GAN: variants seen among roughly 807,000 people sequenced by gnomAD.
GAN encodes gigaxonin, also known as epididymis secretory sperm binding protein.
GAN carries 48 observed loss-of-function variants against 71.3 expected under a neutral mutation model. The ratio of observed to expected loss-of-function variants is 0.67; its 90% CI spans 0.53 to 0.86. The LOEUF (loss-of-function observed/expected upper bound fraction) is 0.86, where lower values mean the gene tolerates loss of function less well. GAN is among the 40% of genes least tolerant of loss of function. GAN has a pLI of 0.00. For missense variants in GAN, 928 were observed against 770.1 expected (o/e 1.21, Z -2.43); for synonymous variants, 386 against 276.8 (o/e 1.39, Z -3.92).
Position 81,377,515 on chromosome 16 carries a change from A to T in GAN, c.1713A>T (p.Ala571=), listed in dbSNP as rs777757572. 15 of 1,614,154 alleles carry T rather than the reference A, an allele frequency of 9.3e-6. No homozygotes were observed. The African/African-American group carries it at 2.0e-4, about 22-fold the overall frequency. The change falls in exon 11 of 11, where the codon GCA becomes GCT. Residue 571 remains alanine, a synonymous_variant. Coordinates refer to ENST00000648994, the MANE Select transcript of GAN (RefSeq NM_022041.4). ...LPSDLRRTGC[A]ALRIANCKLF... is the part of the protein sequence containing the mutation. ...CCGACCTTCGCCGTACAGGATGTGC[A>T]GCCTTACGCATTGCGAATTGCAAGC... is the stretch of plus-strand genomic sequence containing the variant.
At chr16:81,364,834 T>C (rs1567496045) in intron 7 of GAN, 140 bp from the exon 8 acceptor site, 2 of 837,440 alleles carry the variant, frequency 2.4e-6, no homozygotes, top group Non-Finnish European at 4.1e-6. Flanking sequence ...GTTGTAATAC[T>C]GAAAAGCACC....
In GAN at chr16:81,383,846, A is replaced by C. The variant is rs1904328726; in HGVS notation, c.*6250A>C. 1 of 152,144 alleles carries C rather than the reference A, an allele frequency of 6.6e-6. No individual in the cohort carries two copies. Among genetic ancestry groups the C allele is most frequent in the Admixed American group, 6.6e-5 (1 of 15,266 alleles). The allele number at this position is 152,144 out of a possible 1,614,324, so 9.4% of individuals were successfully genotyped here. A position where few individuals can be genotyped will look rare whatever the true frequency, so the allele number is the denominator to read the frequency against. Reference sequence around the variant, plus strand: ...ATCCACGTAAATGAACGGCCATTTCAAATCATTCACATCCCAAACGGAGGT... The same window carrying C: ...ATCCACGTAAATGAACGGCCATTTCCAATCATTCACATCCCAAACGGAGGT... On this transcript the variant is annotated 3_prime_UTR_variant, in exon 11 of 11. Transcript: ENST00000648994.
At chr16:81,330,644 G>C (rs753903826) in intron 1 of GAN, among the ~76,000 whole-genome samples, 2 of 152,216 alleles carry the variant, frequency 1.3e-5, no homozygotes, top group African/African-American at 4.8e-5. Flanking sequence ...AAGTACCACA[G>C]TTATTGTTGC....
chr16:81,364,013 C>G (rs1303872843), intron 7 of GAN, 70 bp downstream of exon 7: 6 of 1,091,102 alleles, frequency 5.5e-6, no homozygotes, highest in African/African-American at 1.5e-5. Context: ...GTCTTCATAT[C>G]CTGAATAAAC....
rs1008404882 is a variant in GAN, at chr16:81,383,847, A to C, written c.*6251A>C. 8 of 152,158 alleles carry C rather than the reference A, an allele frequency of 5.3e-5. No homozygotes were observed. Among genetic ancestry groups the C allele is most frequent in the African/African-American group, 1.2e-4 (5 of 41,426 alleles). 9.4% of individuals were successfully genotyped at this position (152,158 alleles called of 1,614,324 possible). ...TCCACGTAAATGAACGGCCATTTCA[A>C]ATCATTCACATCCCAAACGGAGGTT... On this transcript the variant is annotated 3_prime_UTR_variant, in exon 11 of 11. Coordinates refer to ENST00000648994, the MANE Select transcript of GAN (RefSeq NM_022041.4).
Position 81,354,367 on chromosome 16 carries a change from A to G in GAN, c.283-38A>G, listed in dbSNP as rs769725195. 5 of 1,293,262 alleles carry G rather than the reference A, an allele frequency of 3.9e-6. No homozygotes were observed. The East Asian group carries it at 1.1e-4, about 30-fold the overall frequency. The allele number at this position is 1,293,262 out of a possible 1,614,324, so 80.1% of individuals were successfully genotyped here. A position where few individuals can be genotyped will look rare whatever the true frequency, so the allele number is the denominator to read the frequency against. ...GGTTAGTGGTTTGGGTTTTAAATGT[A>G]CACATTCAAATATAAGATAATTATG... On this transcript the variant is annotated intron_variant, in intron 2 of 10. Coordinates refer to ENST00000648994, the MANE Select transcript of GAN (RefSeq NM_022041.4).
intron 1 of GAN, among the ~76,000 whole-genome samples, chr16:81,335,368 C>T (rs1909720130): frequency 6.6e-6 from 1 of 152,132 alleles, no homozygotes; most frequent in South Asian, 2.1e-4. Flanking sequence ...GTAATCCCAG[C>T]ACTTTTTGGA....
At chr16:81,344,973 A>G (rs574445325) in intron 1 of GAN, among the ~76,000 whole-genome samples, 1 of 152,366 alleles carries the variant, frequency 6.6e-6, no homozygotes, top group East Asian at 1.9e-4. Flanking sequence ...AAAAGAAGAC[A>G]TTTATGCAAC....
Position 81,354,473 on chromosome 16 carries a change from TA to T in GAN, c.355del (p.Thr119ProfsTer53). ...CTGACCTGCTGCTACTGACGGACCT[TA>T]AAACCCTGTGCTGTGAGTTTTTGGA... The part of the protein sequence containing the change: ...AADLLLLTDL[K>X]TLCCEFLEGC... On this transcript the variant is annotated frameshift_variant, in exon 3 of 11. Coordinates refer to ENST00000648994, the MANE Select transcript of GAN (RefSeq NM_022041.4). LOFTEE classifies it high-confidence loss of function. 6.2e-7 allele frequency: 1 copy of T among 1,614,120 alleles called. No individual in the cohort carries two copies. The highest frequency in any genetic ancestry group is 8.5e-7 in the Non-Finnish European group (1 of 1,179,918).
intron 1 of GAN, among the ~76,000 whole-genome samples, chr16:81,316,100 G>A (rs1417545410): frequency 6.6e-6 from 1 of 152,172 alleles, no homozygotes; most frequent in Non-Finnish European, 1.5e-5. Context: ...TAATTAAAAG[G>A]TTGATAAGAC....
At chr16:81,318,843 C>T (rs1006083206) in intron 1 of GAN, among the ~76,000 whole-genome samples, 24 of 152,188 alleles carry the variant, frequency 1.6e-4, no homozygotes, top group African/African-American at 4.6e-4. Flanking sequence ...AGAGAGAGCA[C>T]GTGTCATGCA....
chr16:81,335,151 TG>T (rs951794038), intron 1 of GAN, among the ~76,000 whole-genome samples: 1 of 56,178 alleles, frequency 1.8e-5, no homozygotes, highest in Non-Finnish European at 3.4e-5. Context: ...GACTATGGGG[TG>T]GGGGGAGGGG....
rs1048278892 is a variant in GAN at position 81,363,984 on chromosome 16, T to G, written c.1236+41T>G. On this transcript the variant is annotated intron_variant, in intron 7 of 10. Coordinates refer to ENST00000648994, the MANE Select transcript of GAN (RefSeq NM_022041.4). ...TGTGATAACTAGTCTGTGTACACAT[T>G]GGATTTTAAACTTAATGTGTCTTCA... 1.1e-5 allele frequency: 16 copies of G among 1,503,104 alleles called. No individual in the cohort carries two copies. In the African/African-American group the frequency reaches 1.9e-4, roughly 18 times the overall value. 93.1% of individuals were successfully genotyped at this position (1,503,104 alleles called of 1,614,324 possible).
Position 81,325,637 on chromosome 16 carries a change from C to T in GAN, c.167+10357C>T, listed in dbSNP as rs551477065. On this transcript the variant is annotated intron_variant, in intron 1 of 10. Coordinates refer to ENST00000648994, the MANE Select transcript of GAN (RefSeq NM_022041.4). ...GAGCTACTAGACCAATTGAGAGCAG[C>T]GCACTGGGACAGTGTCCTAGGCATC... is the stretch of plus-strand genomic sequence containing the variant. Among the ~76,000 whole-genome samples the T allele has an allele frequency of 3.3e-5, 5 of 152,256 alleles. No individual in the cohort carries two copies. In the East Asian group the frequency reaches 5.8e-4, roughly 18 times the overall value.
chr16:81,374,538 C>T (rs896196963), intron 9 of GAN, among the ~76,000 whole-genome samples: 1 of 152,104 alleles, frequency 6.6e-6, no homozygotes, highest in Non-Finnish European at 1.5e-5. Context: ...TCCCTTTTTC[C>T]TGTTAATGTT....
At chr16:81,374,002 A>G (rs1242641833) in intron 9 of GAN, among the ~76,000 whole-genome samples, 1 of 152,128 alleles carries the variant, frequency 6.6e-6, no homozygotes, top group Non-Finnish European at 1.5e-5. Context: ...GGGCCTCCTA[A>G]AGTGCTGGGA....
chr16:81,354,605 C>T lies in GAN; in HGVS notation c.483C>T (p.Phe161=). The change falls in exon 3 of 11, where the codon TTC becomes TTT. Residue 161 remains phenylalanine (F), a synonymous_variant. Coordinates refer to ENST00000648994, the MANE Select transcript of GAN (RefSeq NM_022041.4). ...CCACAGAATACCTGGAGACTCATTT[C>T]CGAGACGTCAGCAGCACGGAAGAAT... ...YLATEYLETH[F]RDVSSTEEFL... 1 of 1,614,094 alleles carries T rather than the reference C, an allele frequency of 6.2e-7. No homozygotes were observed. Among genetic ancestry groups the T allele is most frequent in the African/African-American group, 1.3e-5 (1 of 75,048 alleles).
chr16:81,351,692 G>C lies in GAN; in HGVS notation c.277G>C (p.Gly93Arg). The change falls in exon 2 of 11, where the codon GGG (glycine) becomes CGG (arginine). Residue 93 changes from glycine (G) to arginine (R), a missense_variant. Physicochemically the swap from Gly to Arg is moderately radical, Grantham distance 125. Coordinates refer to ENST00000648994, the MANE Select transcript of GAN (RefSeq NM_022041.4). Reference protein sequence around the residue: ...MREILDYIFSGQIRLNEDTIQ... With the variant: ...MREILDYIFSRQIRLNEDTIQ... The stretch of plus-strand genomic sequence containing the variant: ...AGAGATCCTGGATTACATCTTCAGT[G>C]GGCAGGTATGATGAGAAACAAAGGA... 7.2e-7 allele frequency: 1 copy of C among 1,388,200 alleles called. No homozygotes were observed. The highest frequency in any genetic ancestry group is 1.0e-6 in the Non-Finnish European group (1 of 973,706). The allele number at this position is 1,388,200 out of a possible 1,614,324, so 86.0% of individuals were successfully genotyped here. A position where few individuals can be genotyped will look rare whatever the true frequency, so the allele number is the denominator to read the frequency against.
chr16:81,336,650 ATTTTC>A (rs1909772616), intron 1 of GAN, among the ~76,000 whole-genome samples: 1 of 139,232 alleles, frequency 7.2e-6, no homozygotes, highest in South Asian at 2.3e-4. Context: ...TTTTTTTTTA[ATTTTC>A]TTTGTAGAGA....
Sources: allele counts gnomAD v4.1 joint callset (sites outside exome capture counted in the v4.1 genomes callset), GRCh38; gene constraint gnomAD v4.1.1; transcripts MANE v1.5; gene names NCBI Gene and HGNC (gene_info 2026-07-23, HGNC 2026-07-21).